The following LPIN1 variants were observed in gnomAD, a reference collection of about 807,000 sequenced individuals.
LPIN1 encodes the protein phosphatidate phosphatase LPIN1.
A neutral mutation model predicts 107.5 loss-of-function variants in LPIN1; 71 were observed. The ratio of observed to expected loss-of-function variants is 0.66; its 90% confidence interval spans 0.55 to 0.80. LPIN1 has a LOEUF of 0.80. LPIN1 is among the 30% of genes least tolerant of loss of function. LPIN1 has a pLI of 0.00. For synonymous variants in LPIN1, 445 were observed against 452.6 expected (o/e 0.98, Z 0.21); for missense variants, 1,043 against 1,160.6 (o/e 0.90, Z 1.47).
intron 14 of LPIN1, 39 bp from the exon 15 acceptor site, chr2:11,802,868 G>A (rs774557654): frequency 1.9e-6 from 3 of 1,609,974 alleles, no homozygotes; most frequent in East Asian, 2.2e-5. Flanking sequence ...CTACCCAGAT[G>A]CATTTTCTAA....
chr2:11,814,521 T>TGC (rs1680241744), intron 17 of LPIN1, among the ~76,000 whole-genome samples: 2 of 149,906 alleles, frequency 1.3e-5, no homozygotes, highest in Non-Finnish European at 3.0e-5. Flanking sequence ...CATGTGTGTG[T>TGC]GTGTGTGTGT....
At chr2:11,775,679 G>C (rs992083987) in intron 5 of LPIN1, among the ~76,000 whole-genome samples, 6 of 152,058 alleles carry the variant, frequency 3.9e-5, no homozygotes, top group African/African-American at 1.2e-4. Flanking sequence ...AGTGAAATAG[G>C]TCATTTGGCA....
chr2:11,716,828 C>G (rs559504467), intron 2 of LPIN1, among the ~76,000 whole-genome samples: 1 of 152,220 alleles, frequency 6.6e-6, no homozygotes, highest in Non-Finnish European at 1.5e-5. Context: ...AGATTCAAGA[C>G]AGCAAAAGAC....
chr2:11,694,761 C>T (rs886065358), intron 1 of LPIN1, among the ~76,000 whole-genome samples: 5 of 152,170 alleles, frequency 3.3e-5, no homozygotes, highest in Middle Eastern at 3.2e-3. Flanking sequence ...GCATCTTTTG[C>T]CTTTTACTAA....
At chr2:11,766,988 A>AG (rs139877664) in intron 2 of LPIN1, among the ~76,000 whole-genome samples, 21,007 of 152,102 alleles carry the variant, frequency 0.14, 1,790 homozygotes, top group Non-Finnish European at 0.2. Flanking sequence ...CTTGTCCCAG[A>AG]GGGGGTCCGT....
chr2:11,683,337 G>A (rs1661825645), intron 1 of LPIN1: 1 of 152,242 alleles, frequency 6.6e-6, no homozygotes, highest in Admixed American at 6.5e-5. Flanking sequence ...AATGCGTCAT[G>A]TGTCATTTTG....
chr2:11,794,122 C>A (rs62114962), intron 13 of LPIN1, among the ~76,000 whole-genome samples: 14,406 of 152,292 alleles, frequency 0.095, 902 homozygotes, highest in Middle Eastern at 0.16. Flanking sequence ...CTGAGGTCTA[C>A]TCATCAGTTT....
chr2:11,785,926 T>C (rs1053154945), intron 10 of LPIN1, among the ~76,000 whole-genome samples: 3 of 152,212 alleles, frequency 2.0e-5, no homozygotes, highest in Non-Finnish European at 4.4e-5. Flanking sequence ...TCCCGCCGGC[T>C]CCATTCATTC....
intron 1 of LPIN1, among the ~76,000 whole-genome samples, chr2:11,754,469 T>C (rs1316988577): frequency 6.6e-6 from 1 of 152,220 alleles, no homozygotes; most frequent in Non-Finnish European, 1.5e-5. Context: ...TTTCGGCCTT[T>C]CTAAGTCCTT....
chr2:11,784,380 A>G (rs1322085858), intron 9 of LPIN1: 16 of 1,123,014 alleles, frequency 1.4e-5, no homozygotes, highest in Non-Finnish European at 1.8e-5. Context: ...CGCCTGCTCT[A>G]TGGACATAAG....
At chr2:11,747,586 T>A (rs1024558533) in intron 1 of LPIN1, among the ~76,000 whole-genome samples, 13 of 152,198 alleles carry the variant, frequency 8.5e-5, no homozygotes, top group Non-Finnish European at 1.6e-4. Context: ...GCCGTTTTTT[T>A]AATTGGGGGT....
chr2:11,692,872 TAC>T (rs967114889), intron 1 of LPIN1, among the ~76,000 whole-genome samples: 1 of 152,224 alleles, frequency 6.6e-6, no homozygotes, highest in Non-Finnish European at 1.5e-5. Context: ...AGCCCCATGA[TAC>T]AGAGATAAAT....
chr2:11,718,932 AG>A (rs1386405218), intron 2 of LPIN1, among the ~76,000 whole-genome samples: 1 of 152,178 alleles, frequency 6.6e-6, no homozygotes, highest in African/African-American at 2.4e-5. Context: ...GGACGCAAGG[AG>A]TGGTTCTCTA....
At chr2:11,703,329 G>C (rs1204527345) in intron 1 of LPIN1, among the ~76,000 whole-genome samples, 1 of 152,120 alleles carries the variant, frequency 6.6e-6, no homozygotes, top group African/African-American at 2.4e-5. Flanking sequence ...CCACTGCCTG[G>C]CTCATAGTGA....
chr2:11,714,909 C>T (rs984736931), intron 2 of LPIN1, among the ~76,000 whole-genome samples: 4 of 152,182 alleles, frequency 2.6e-5, no homozygotes, highest in African/African-American at 9.6e-5. Flanking sequence ...GTGAGAGGTT[C>T]GTCGTTGAGA....
chr2:11,701,874 C>T (rs1415438786), intron 1 of LPIN1, among the ~76,000 whole-genome samples: 3 of 152,176 alleles, frequency 2.0e-5, no homozygotes, highest in African/African-American at 7.2e-5. Flanking sequence ...GGCTGAGTGT[C>T]TGTTTGGTTT....
chr2:11,764,479 G>C (rs944036885), intron 1 of LPIN1, among the ~76,000 whole-genome samples: 2 of 152,136 alleles, frequency 1.3e-5, no homozygotes, highest in Non-Finnish European at 2.9e-5. Context: ...TTTCCTTCAC[G>C]AGCCTGTGAG....
At chr2:11,687,604 A>G (rs1289968311) in intron 1 of LPIN1, among the ~76,000 whole-genome samples, 1 of 152,254 alleles carries the variant, frequency 6.6e-6, no homozygotes, top group East Asian at 1.9e-4. Context: ...GAATCTGAAC[A>G]GTTCAGAGAA....
chr2:11,769,864 T>C (rs1671567718), intron 3 of LPIN1, among the ~76,000 whole-genome samples: 1 of 152,192 alleles, frequency 6.6e-6, no homozygotes, highest in Non-Finnish European at 1.5e-5. Context: ...GAACGGTTCT[T>C]TATAGCTCCA....
Sources: allele counts gnomAD v4.1 joint callset (sites outside exome capture counted in the v4.1 genomes callset), GRCh38; gene constraint gnomAD v4.1.1; transcripts MANE v1.5; gene names NCBI Gene and HGNC (gene_info 2026-07-23, HGNC 2026-07-21).